SGCD: variants seen among roughly 807,000 people sequenced by gnomAD.
SGCD encodes the protein sarcoglycan delta.
In SGCD, 18 loss-of-function variants were observed where a neutral mutation model predicts 36.6. The ratio of observed to expected loss-of-function variants is 0.49; its 90% CI spans 0.34 to 0.73. SGCD has a LOEUF of 0.73. Ranked by LOEUF, SGCD falls within the 30% of genes least tolerant of loss-of-function variation. SGCD has a pLI of 0.01. For missense variants in SGCD, 387 were observed against 346.7 expected (o/e 1.12, Z -0.92); for synonymous variants, 133 against 130.6 (o/e 1.02, Z -0.12).
In SGCD at chr5:156,563,111, C is replaced by T. The variant is rs190286285; in HGVS notation, c.295-26120C>T. On this transcript the variant is annotated intron_variant, in intron 4 of 8. Transcript: ENST00000337851. ...TCTCCTCCCTCAGCCTCCCCATTAG[C>T]TGGGATTACAGGCATGCCCACAACC... Among the ~76,000 whole-genome samples, 690 of 152,178 alleles carry T rather than the reference C, an allele frequency of 4.5e-3. 4 individuals carry two copies. Among genetic ancestry groups the T allele is most frequent in the African/African-American group, 0.014 (575 of 41,514 alleles).
At chr5:156,255,721 TAA>T (rs1581199055) in intron 3 of SGCD, among the ~76,000 whole-genome samples, 2 of 152,324 alleles carry the variant, frequency 1.3e-5, no homozygotes, top group East Asian at 3.9e-4. Context: ...TTTTCATTCA[TAA>T]TCGTTCTTAT....
intron 1 of SGCD, among the ~76,000 whole-genome samples, chr5:155,882,188 A>T: frequency 6.6e-6 from 1 of 151,962 alleles, no homozygotes; most frequent in East Asian, 1.9e-4. Context: ...GGCTTACTGC[A>T]GCCTCAACTG....
intron 3 of SGCD, among the ~76,000 whole-genome samples, chr5:156,256,808 C>T (rs1209928329): frequency 6.6e-6 from 1 of 152,094 alleles, no homozygotes; most frequent in Non-Finnish European, 1.5e-5. Context: ...TCAAAATTAT[C>T]TTTGCGATAA....
At chr5:156,000,937 T>A (rs969563870) in intron 1 of SGCD, among the ~76,000 whole-genome samples, 5 of 152,182 alleles carry the variant, frequency 3.3e-5, no homozygotes, top group Admixed American at 3.3e-4. Flanking sequence ...ACTTTGAGGA[T>A]GGCTGGATTG....
intron 1 of SGCD, among the ~76,000 whole-genome samples, chr5:155,891,723 C>T (rs1470126167): frequency 6.6e-6 from 1 of 151,796 alleles, no homozygotes; most frequent in Non-Finnish European, 1.5e-5. Flanking sequence ...GTGTCTGATG[C>T]CCCACAGAGT....
intron 3 of SGCD, among the ~76,000 whole-genome samples, chr5:156,304,219 CT>C (rs35606107): frequency 6.6e-6 from 1 of 152,110 alleles, no homozygotes; most frequent in Admixed American, 6.5e-5. Flanking sequence ...CTTTATGTTG[CT>C]TTTTGCTATG....
At chr5:156,491,952 C>G (rs1225050831) in intron 3 of SGCD, among the ~76,000 whole-genome samples, 1 of 152,060 alleles carries the variant, frequency 6.6e-6, no homozygotes, top group Non-Finnish European at 1.5e-5. Flanking sequence ...TTGACAACTC[C>G]TGATACTGTT....
At chr5:156,267,116 G>A (rs1214842331) in intron 3 of SGCD, among the ~76,000 whole-genome samples, 1 of 152,152 alleles carries the variant, frequency 6.6e-6, no homozygotes, top group Non-Finnish European at 1.5e-5. Context: ...TCATTTGTAA[G>A]ATGGGGGTAT....
At chr5:156,079,877 C>T (rs1463561049) in intron 1 of SGCD, among the ~76,000 whole-genome samples, 1 of 152,212 alleles carries the variant, frequency 6.6e-6, no homozygotes, top group East Asian at 1.9e-4. Flanking sequence ...AGGACCGTGG[C>T]CTCATTCCCA....
intron 7 of SGCD, among the ~76,000 whole-genome samples, chr5:156,744,388 G>A (rs1352383204): frequency 2.0e-5 from 3 of 152,162 alleles, no homozygotes; most frequent in South Asian, 2.1e-4. Context: ...GGCAGCAGCC[G>A]AGACTTTAGT....
intron 1 of SGCD, among the ~76,000 whole-genome samples, chr5:155,941,174 G>A (rs1757317903): frequency 2.0e-5 from 3 of 152,066 alleles, no homozygotes; most frequent in African/African-American, 7.2e-5. Flanking sequence ...ACCCACTCTC[G>A]AGATAACTAA....
In SGCD at chr5:155,933,447, C is replaced by T. The variant is rs543670623; in HGVS notation, c.-282+63023C>T. ...GGAGACAAATGTGGAGATAACTCCACAAGCATACATAGAGTATCTTGTCTT... is the reference window on the plus strand; with the variant it reads ...GGAGACAAATGTGGAGATAACTCCATAAGCATACATAGAGTATCTTGTCTT... On this transcript the variant is annotated intron_variant, in intron 1 of 9. Coordinates refer to the SGCD transcript ENST00000517913. Among the ~76,000 whole-genome samples the T allele has an allele frequency of 1.9e-3, 288 of 152,320 alleles. 3 individuals carry two copies. The highest frequency in any genetic ancestry group is 6.6e-3 in the African/African-American group (276 of 41,582).
chr5:156,077,789 G>C (rs1157182807), intron 1 of SGCD, among the ~76,000 whole-genome samples: 1 of 152,104 alleles, frequency 6.6e-6, no homozygotes, highest in Non-Finnish European at 1.5e-5. Flanking sequence ...ACACTACTGT[G>C]TACTCAGGCA....
chr5:155,864,532 A>G, the SGCD span, among the ~76,000 whole-genome samples: 2 of 152,194 alleles, frequency 1.3e-5, no homozygotes, highest in Non-Finnish European at 2.9e-5. Flanking sequence ...TATTGAAATG[A>G]TTTAAAGTTG....
the SGCD span, among the ~76,000 whole-genome samples, chr5:155,832,436 T>C: frequency 1.3e-5 from 2 of 152,218 alleles, no homozygotes; most frequent in African/African-American, 4.8e-5. Flanking sequence ...GTCTTTGTAC[T>C]TCCTTTTCCC....
At chr5:156,077,009 T>C (rs1184371172) in intron 1 of SGCD, among the ~76,000 whole-genome samples, 3 of 152,254 alleles carry the variant, frequency 2.0e-5, no homozygotes, top group Non-Finnish European at 4.4e-5. Flanking sequence ...GAAAATATAA[T>C]TATTCATCCC....
At chr5:155,874,316 A>C (rs148332983) in intron 1 of SGCD, among the ~76,000 whole-genome samples, 1 of 152,168 alleles carries the variant, frequency 6.6e-6, no homozygotes, top group African/African-American at 2.4e-5. Flanking sequence ...AACAGAAACA[A>C]ATGGATTTCT....
intron 7 of SGCD, among the ~76,000 whole-genome samples, chr5:156,657,782 C>G (rs939472355): frequency 8.1e-5 from 12 of 148,612 alleles, no homozygotes; most frequent in African/African-American, 2.5e-4. Flanking sequence ...AAGAAAAAGA[C>G]ACAGAGACAA....
chr5:156,336,392 T>A (rs1230348075), intron 2 of SGCD, among the ~76,000 whole-genome samples: 2 of 152,196 alleles, frequency 1.3e-5, no homozygotes, highest in African/African-American at 4.8e-5. Flanking sequence ...TTCATAAGAC[T>A]GATTTCCAAG....
Sources: gnomAD v4.1 joint callset for allele counts (sites outside exome capture counted in the v4.1 genomes callset) on GRCh38, gnomAD v4.1.1 for gene constraint, MANE v1.5 for transcripts, NCBI Gene and HGNC (gene_info 2026-07-23, HGNC 2026-07-21) for gene names.